Variants in FAM107B observed in about 807,000 individuals in gnomAD.
The protein encoded by FAM107B is family with sequence similarity 107 member B.
A neutral mutation model predicts 31.5 loss-of-function variants in FAM107B; 21 were observed. That is an observed-to-expected ratio of 0.67 (90% confidence interval 0.47 to 0.96). The LOEUF (loss-of-function observed/expected upper bound fraction) is 0.96, where lower values mean the gene tolerates loss of function less well. Ranked by LOEUF, FAM107B falls within the 40% of genes least tolerant of loss-of-function variation. The pLI, the probability that FAM107B is intolerant of heterozygous loss-of-function variation, is 0.00. For synonymous variants in FAM107B, 157 were observed against 141.5 expected (o/e 1.11, Z -0.78); for missense variants, 452 against 377.1 (o/e 1.20, Z -1.64).
At chr10:14,578,905 T>A (rs906314705) in intron 2 of FAM107B, among the ~76,000 whole-genome samples, 1 of 152,148 alleles carries the variant, frequency 6.6e-6, no homozygotes, top group Non-Finnish European at 1.5e-5. Flanking sequence ...GATTACTCAA[T>A]CAGGGTCTCC....
chr10:14,720,492 T>G (rs926850509), intron 1 of FAM107B, among the ~76,000 whole-genome samples: 6 of 152,190 alleles, frequency 3.9e-5, no homozygotes, highest in Non-Finnish European at 5.9e-5. Flanking sequence ...GACCTCAGGT[T>G]ATCCGCCTGC....
chr10:14,606,002 T>A (rs1417472041), intron 2 of FAM107B, among the ~76,000 whole-genome samples: 1 of 152,160 alleles, frequency 6.6e-6, no homozygotes, highest in Non-Finnish European at 1.5e-5. Context: ...ATGCTTTTCC[T>A]CTCAACTTTC....
intron 1 of FAM107B, among the ~76,000 whole-genome samples, chr10:14,720,158 T>C (rs1250496662): frequency 6.6e-6 from 1 of 152,198 alleles, no homozygotes; most frequent in Non-Finnish European, 1.5e-5. Context: ...TGCCACCCAT[T>C]TCATAGTTAT....
chr10:14,704,821 T>G (rs1030889538), intron 1 of FAM107B, among the ~76,000 whole-genome samples: 2 of 151,964 alleles, frequency 1.3e-5, no homozygotes, highest in African/African-American at 4.8e-5. Context: ...ATCAGAAGTT[T>G]GAGACCAGCC....
At chr10:14,525,283 T>C (rs1460586093) in intron 3 of FAM107B, among the ~76,000 whole-genome samples, 1 of 152,186 alleles carries the variant, frequency 6.6e-6, no homozygotes, top group Non-Finnish European at 1.5e-5. Context: ...TCAACCCCTT[T>C]ATGACAGTAT....
intron 1 of FAM107B, among the ~76,000 whole-genome samples, chr10:14,668,094 T>C (rs748856599): frequency 6.6e-6 from 1 of 152,046 alleles, no homozygotes; most frequent in East Asian, 1.9e-4. Context: ...CAAGCTGGAG[T>C]GCAGTGGCAC....
chr10:14,732,667 C>T (rs1856200321), intron 1 of FAM107B, among the ~76,000 whole-genome samples: 1 of 151,566 alleles, frequency 6.6e-6, no homozygotes, highest in Admixed American at 6.6e-5. Flanking sequence ...CTGATGGGAA[C>T]ATAGACTGTC....
At chr10:14,743,908 A>T (rs893135699) in intron 1 of FAM107B, among the ~76,000 whole-genome samples, 1 of 152,208 alleles carries the variant, frequency 6.6e-6, no homozygotes, top group Non-Finnish European at 1.5e-5. Context: ...TGGTAGTTTA[A>T]TGAGAATAGC....
chr10:14,652,459 C>G (rs772542293), intron 2 of FAM107B, among the ~76,000 whole-genome samples: 5 of 152,222 alleles, frequency 3.3e-5, no homozygotes, highest in Non-Finnish European at 5.9e-5. Context: ...TCAACCAGGC[C>G]TGGACTGAGT....
intron 1 of FAM107B, among the ~76,000 whole-genome samples, chr10:14,704,821 T>A (rs1030889538): frequency 6.6e-6 from 1 of 151,964 alleles, no homozygotes; most frequent in Admixed American, 6.6e-5. Context: ...ATCAGAAGTT[T>A]GAGACCAGCC....
At chr10:14,534,068 C>A (rs961156389) in intron 2 of FAM107B, among the ~76,000 whole-genome samples, 2 of 152,176 alleles carry the variant, frequency 1.3e-5, no homozygotes, top group South Asian at 4.1e-4. Context: ...AACACAGGGG[C>A]AAACATCTTC....
chr10:14,547,162 G>A (rs1848768841), intron 2 of FAM107B, among the ~76,000 whole-genome samples: 1 of 152,216 alleles, frequency 6.6e-6, no homozygotes, highest in Admixed American at 6.5e-5. Context: ...CCCGGCAGAA[G>A]CAAGCTAAAC....
intron 1 of FAM107B, among the ~76,000 whole-genome samples, chr10:14,676,620 C>A (rs780766879): frequency 3.3e-5 from 5 of 152,192 alleles, no homozygotes; most frequent in Non-Finnish European, 7.3e-5. Flanking sequence ...CTTTCTGAAG[C>A]AGCCCCACCT....
chr10:14,655,961 G>C (rs1854041739), intron 2 of FAM107B, among the ~76,000 whole-genome samples: 1 of 152,120 alleles, frequency 6.6e-6, no homozygotes, highest in African/African-American at 2.4e-5. Flanking sequence ...CCAGAAGTGG[G>C]GTCACAGGCA....
At chr10:14,699,211 C>T (rs1048397527) in intron 1 of FAM107B, among the ~76,000 whole-genome samples, 3 of 152,038 alleles carry the variant, frequency 2.0e-5, no homozygotes, top group Non-Finnish European at 4.4e-5. Context: ...AGCGTTCCCC[C>T]AGAGGAATAG....
At chr10:14,537,092 C>T (rs77767263) in intron 2 of FAM107B, among the ~76,000 whole-genome samples, 3,358 of 152,174 alleles carry the variant, frequency 0.022, 66 homozygotes, top group East Asian at 0.088. Flanking sequence ...GAGGTGGGAA[C>T]GACCAATAGG....
At chr10:14,597,887 T>G (rs910868345) in intron 2 of FAM107B, among the ~76,000 whole-genome samples, 2 of 151,974 alleles carry the variant, frequency 1.3e-5, no homozygotes, top group African/African-American at 4.8e-5. Flanking sequence ...GAGGTGGAGG[T>G]TGCAGTGAGC....
chr10:14,717,743 G>T (rs1290565348), intron 1 of FAM107B, among the ~76,000 whole-genome samples: 3 of 90,094 alleles, frequency 3.3e-5, no homozygotes, highest in African/African-American at 6.0e-5. Context: ...GTCTCCTCTG[G>T]CAACCCCCTC....
intron 2 of FAM107B, among the ~76,000 whole-genome samples, chr10:14,531,833 C>CAAACA (rs1428191488): frequency 6.6e-6 from 1 of 152,090 alleles, no homozygotes; most frequent in East Asian, 1.9e-4. Context: ...GACTCTGTCT[C>CAAACA]AAACAAAACA....
Sources: allele counts gnomAD v4.1 joint callset (sites outside exome capture counted in the v4.1 genomes callset), GRCh38; gene constraint gnomAD v4.1.1; transcripts MANE v1.5; gene names NCBI Gene and HGNC (gene_info 2026-07-23, HGNC 2026-07-21).